Variants in CES3 observed in about 807,000 individuals in gnomAD.
CES3 encodes the protein carboxylesterase 3.
Under a neutral mutation model 57.6 loss-of-function variants are expected in CES3, and 49 were observed. The ratio of observed to expected loss-of-function variants is 0.85; its 90% CI spans 0.68 to 1.08. CES3 has a LOEUF of 1.08. Among genes scored for constraint, CES3 ranks in the 50% least tolerant of loss-of-function variants. The pLI, the probability that CES3 is intolerant of heterozygous loss-of-function variation, is 0.00. For missense variants in CES3, 645 were observed against 742.0 expected, an observed-to-expected ratio of 0.87 and a Z score of 1.52; for synonymous variants, 266 against 281.6, an observed-to-expected ratio of 0.94 and a Z score of 0.55.
At chr16:66,961,459 A>G in intron 1 of CES3, 70 bp downstream of exon 1, 2 of 1,297,000 alleles carry the variant, frequency 1.5e-6, no homozygotes, top group Non-Finnish European at 2.2e-6. Context: ...AGGGACAGGG[A>G]GCAGTGGGCC....
At chr16:66,965,191 C>T (rs188737799) in intron 6 of CES3, among the ~76,000 whole-genome samples, 1 of 152,332 alleles carries the variant, frequency 6.6e-6, no homozygotes, top group East Asian at 1.9e-4. Context: ...CAGGAGCAAG[C>T]TCGCAGGTTA....
Position 66,963,825 on chromosome 16 carries a change from C to A in CES3, c.450C>A (p.Gly150=). The part of the protein sequence containing the change: ...GRPVMVWVHG[G]ALITGAATSY... The stretch of plus-strand genomic sequence containing the variant: ...AGGTCATGGTATGGGTCCATGGAGG[C>A]GCTCTGATAACTGGCGCTGCCACCT... The change falls in exon 4 of 13, where the codon GGC becomes GGA. Residue 150 remains glycine, a synonymous_variant. Transcript: ENST00000303334. This position sits in a 1 kb window ranked among gnomAD's most constrained non-coding sequence, Gnocchi z 4.9. 6.2e-7 allele frequency: 1 copy of A among 1,614,130 alleles called. No individual in the cohort carries two copies. Among genetic ancestry groups the A allele is most frequent in the Non-Finnish European group, 8.5e-7 (1 of 1,179,962 alleles).
At chr16:66,972,211 C>A (rs957098680) in intron 10 of CES3, 145 bp from the exon 11 acceptor site, 2 of 746,796 alleles carry the variant, frequency 2.7e-6, no homozygotes, top group Non-Finnish European at 2.1e-6. Flanking sequence ...ACCTAGCAAG[C>A]GCTCAGTAAA....
intron 8 of CES3, among the ~76,000 whole-genome samples, chr16:66,969,039 C>T (rs1231299004): frequency 2.0e-5 from 3 of 152,226 alleles, no homozygotes; most frequent in Non-Finnish European, 4.4e-5. Context: ...TGGCTGTGCC[C>T]CAGGACCTGG....
At position 66,973,213 on chromosome 16, in the gene CES3, G is replaced by T; in HGVS notation, c.*164G>T. The T allele has an allele frequency of 1.5e-6, 1 of 649,834 alleles. No individual in the cohort carries two copies. The highest frequency in any genetic ancestry group is 2.6e-6 in the Non-Finnish European group (1 of 379,702). 40.3% of individuals were successfully genotyped at this position (649,834 alleles called of 1,614,324 possible). A position where few individuals can be genotyped will look rare whatever the true frequency, so the allele number is the denominator to read the frequency against. ...GTTATGCTCTTTTGAAATGTCACAA[G>T]GCCGCCTCCCACCTCTGGGGCATTG... On this transcript the variant is annotated 3_prime_UTR_variant, in exon 13 of 13. Coordinates refer to ENST00000303334, the MANE Select transcript of CES3 (RefSeq NM_024922.6).
chr16:66,971,456 C>A, intron 10 of CES3, 137 bp downstream of exon 10: 1 of 800,254 alleles, frequency 1.2e-6, no homozygotes, highest in East Asian at 2.6e-5. Context: ...CCCACCAAAC[C>A]TATCTTTCTC....
chr16:66,971,415 T>A, intron 10 of CES3, 96 bp downstream of exon 10: 1 of 1,333,478 alleles, frequency 7.5e-7, no homozygotes, highest in Non-Finnish European at 1.1e-6. Context: ...GCTGGTTCCC[T>A]CAATGCCTTG....
Position 66,966,776 on chromosome 16 carries a change from C to T in CES3, c.973C>T (p.Pro325Ser), listed in dbSNP as rs201845817. The change falls in exon 8 of 13, where the codon CCC becomes TCC. Residue 325 changes from proline (P) to serine (S), a missense_variant. Coordinates refer to ENST00000303334, the MANE Select transcript of CES3 (RefSeq NM_024922.6). ...TGATGGCACTGTCTTCCCCAAAAGCCCCAAGGAACTCCTGAAGGAGAAGCC... is the reference window on the plus strand; with the variant it reads ...TGATGGCACTGTCTTCCCCAAAAGCTCCAAGGAACTCCTGAAGGAGAAGCC... ...TVDGTVFPKS[P>S]KELLKEKPFH... 1.9e-6 allele frequency: 3 copies of T among 1,614,054 alleles called. No homozygotes were observed. The highest frequency in any genetic ancestry group is 2.5e-6 in the Non-Finnish European group (3 of 1,180,038).
At position 66,963,075 on chromosome 16, in the gene CES3, A is replaced by G; in HGVS notation, c.83-104A>G. The G allele has an allele frequency of 8.2e-7, 1 of 1,214,046 alleles. No homozygotes were observed. The highest frequency in any genetic ancestry group is 1.3e-5 in the South Asian group (1 of 79,922). 75.2% of individuals were successfully genotyped at this position (1,214,046 alleles called of 1,614,324 possible). On this transcript the variant is annotated intron_variant, in intron 1 of 12. Transcript: ENST00000303334. This position sits in a 1 kb window ranked among gnomAD's most constrained non-coding sequence, Gnocchi z 4.9. ...CCGGCTTGCTGGGAAGGTTACCAAGATGCTGTGTGGTAAGTACTGAGAACA... is the reference window on the plus strand; with the variant it reads ...CCGGCTTGCTGGGAAGGTTACCAAGGTGCTGTGTGGTAAGTACTGAGAACA...
Position 66,966,767 on chromosome 16 carries a change from C to A in CES3, c.964C>A (p.Pro322Thr), listed in dbSNP as rs571781045. ...YPLTVDGTVF[P>T]KSPKELLKEK... ...TCTCACCGTTGATGGCACTGTCTTC[C>A]CCAAAAGCCCCAAGGAACTCCTGAA... is the stretch of plus-strand genomic sequence containing the variant. The change falls in exon 8 of 13, where the codon CCC becomes ACC. Residue 322 changes from proline (P) to threonine (T), a missense_variant. Transcript: ENST00000303334. 1.4e-5 allele frequency: 23 copies of A among 1,614,128 alleles called. No homozygotes were observed. In the South Asian group the frequency reaches 2.5e-4, roughly 18 times the overall value.
Position 66,966,745 on chromosome 16 carries a change from C to T in CES3, c.942C>T (p.Leu314=), listed in dbSNP as rs1304855138. 1 of 1,614,176 alleles carries T rather than the reference C, an allele frequency of 6.2e-7. No homozygotes were observed. Among genetic ancestry groups the T allele is most frequent in the Non-Finnish European group, 8.5e-7 (1 of 1,180,028 alleles). Residue 314 remains leucine (L), a synonymous_variant, in exon 8 of 13, where the codon CTC becomes CTT. Transcript: ENST00000303334. ...TGCAGAAAAATACTATCTATCCTCT[C>T]ACCGTTGATGGCACTGTCTTCCCCA... ...SKKLKNTIYP[L]TVDGTVFPKS...
Position 66,972,691 on chromosome 16 carries a change from G to C in CES3, c.1465G>C (p.Glu489Gln), listed in dbSNP as rs536521430. The C allele has an allele frequency of 9.9e-6, 16 of 1,614,110 alleles. No individual in the cohort carries two copies. The highest frequency in any genetic ancestry group is 1.4e-5 in the Non-Finnish European group (16 of 1,180,044). ...AGCCTTTCCAGAGGCCACAGAGGAG[G>C]AGAAGCAGCTAAGCCTCACCATGAT... The part of the protein sequence containing the change: ...RLAFPEATEE[E>Q]KQLSLTMMAQ... Residue 489 changes from glutamate (E) to glutamine (Q), a missense_variant, in exon 12 of 13, where the codon GAG becomes CAG. Transcript: ENST00000303334.
In CES3 at chr16:66,961,317, G is replaced by A; in HGVS notation, c.10G>A (p.Ala4Thr). Residue 4 changes from alanine to threonine, a missense_variant, in exon 1 of 13, where the codon GCA becomes ACA. Coordinates refer to ENST00000303334, the MANE Select transcript of CES3 (RefSeq NM_024922.6). ...ACCAGTTGTAAGGAGAATGGAGAGA[G>A]CAGTGAGAGTGGAGTCCGGGGTCCT... MER[A>T]VRVESGVLVG... 1.9e-6 allele frequency: 3 copies of A among 1,613,836 alleles called. No homozygotes were observed. The highest frequency in any genetic ancestry group is 2.5e-6 in the Non-Finnish European group (3 of 1,179,872).
chr16:66,961,807 A>C (rs895255504), intron 1 of CES3, among the ~76,000 whole-genome samples: 10 of 152,032 alleles, frequency 6.6e-5, no homozygotes, highest in Non-Finnish European at 8.8e-5. Flanking sequence ...CAGGTGACCC[A>C]CCTGCCTCGG....
Position 66,973,409 on chromosome 16 carries a change from G to C in CES3, c.*360G>C, listed in dbSNP as rs1963879092. The stretch of plus-strand genomic sequence containing the variant: ...TTAGAGCACAGTCCACCCGAGGCTA[G>C]CACCGTGTCTGTGTCTGTCTCCCCC... On this transcript the variant is annotated 3_prime_UTR_variant, in exon 13 of 13. Transcript: ENST00000303334. 4.9e-6 allele frequency: 1 copy of C among 204,700 alleles called. No individual in the cohort carries two copies. Among genetic ancestry groups the C allele is most frequent in the Non-Finnish European group, 1.0e-5 (1 of 100,062 alleles). The allele number at this position is 204,700 out of a possible 1,614,324, so 12.7% of individuals were successfully genotyped here.
intron 6 of CES3, among the ~76,000 whole-genome samples, chr16:66,964,974 T>C (rs771695457): frequency 6.6e-6 from 1 of 151,916 alleles, no homozygotes; most frequent in Non-Finnish European, 1.5e-5. Context: ...CAGGGTGGGG[T>C]CTTCAGGAGC....
intron 8 of CES3, among the ~76,000 whole-genome samples, chr16:66,969,392 T>C (rs1349293392): frequency 6.6e-6 from 1 of 152,028 alleles, no homozygotes; most frequent in Non-Finnish European, 1.5e-5. Flanking sequence ...GGCAACGGAG[T>C]GAGTCTCTGT....
At chr16:66,968,447 C>T (rs534534303) in intron 8 of CES3, among the ~76,000 whole-genome samples, 15 of 152,280 alleles carry the variant, frequency 9.9e-5, no homozygotes, top group Admixed American at 3.9e-4. Context: ...GGATTACAGG[C>T]ATGAGGCTGC....
intron 8 of CES3, among the ~76,000 whole-genome samples, chr16:66,967,165 C>T (rs1032730351): frequency 6.6e-6 from 1 of 152,110 alleles, no homozygotes; most frequent in Non-Finnish European, 1.5e-5. Context: ...TCACTTCAAC[C>T]TCCACCTCCT....
Sources: allele counts gnomAD v4.1 joint callset (sites outside exome capture counted in the v4.1 genomes callset), GRCh38; gene constraint gnomAD v4.1.1; non-coding constraint Gnocchi (gnomAD v3.1); transcripts MANE v1.5; gene names NCBI Gene and HGNC (gene_info 2026-07-23, HGNC 2026-07-21).